Variants in DRC11L observed in about 807,000 individuals in gnomAD.
DRC11L encodes the protein dynein regulatory complex subunit 11 like.
the DRC11L span, among the ~76,000 whole-genome samples, chr7:151,199,296 G>A: frequency 6.6e-6 from 1 of 151,402 alleles, no homozygotes; most frequent in African/African-American, 2.4e-5. The surrounding 1 kb of genome is among the most constrained non-coding windows in gnomAD (Gnocchi z 5.2). Context: ...TGGAGCCTCC[G>A]GCCCCAGCCC....
At chr7:151,197,296 T>C in the DRC11L span, 7 of 399,208 alleles carry the variant, frequency 1.8e-5, no homozygotes, top group African/African-American at 1.0e-4. Flanking sequence ...TTTTCTGTTC[T>C]CTTGCATCTG....
chr7:151,192,421 G>A, the DRC11L span: 1 of 399,396 alleles, frequency 2.5e-6, no homozygotes, highest in Non-Finnish European at 4.4e-6. Flanking sequence ...GCAAGGCCTT[G>A]GTGAGGTCCT....
chr7:151,204,022 G>A, the DRC11L span, among the ~76,000 whole-genome samples: 1 of 152,204 alleles, frequency 6.6e-6, no homozygotes, highest in Non-Finnish European at 1.5e-5. Flanking sequence ...ACAGATCACT[G>A]GAGGGTCTTG....
chr7:151,198,891 A>G, the DRC11L span: 1 of 398,944 alleles, frequency 2.5e-6, no homozygotes, highest in African/African-American at 2.1e-5. Context: ...GGCCTTCACC[A>G]TTGCTGCCCG....
the DRC11L span, chr7:151,192,903 G>A: frequency 5.0e-6 from 2 of 398,618 alleles, no homozygotes; most frequent in African/African-American, 4.1e-5. Context: ...TGGTCAGAAG[G>A]CAGGATGAGG....
chr7:151,196,965 C>G, the DRC11L span: 2 of 399,242 alleles, frequency 5.0e-6, no homozygotes, highest in Non-Finnish European at 8.8e-6. Flanking sequence ...CCCCAGCCAT[C>G]TCCCCTCTTA....
chr7:151,191,148 C>G, the DRC11L span: 1 of 399,882 alleles, frequency 2.5e-6, no homozygotes, highest in Non-Finnish European at 4.4e-6. Context: ...CACCCCTCCC[C>G]CTTTTACAGA....
chr7:151,196,631 G>C, the DRC11L span: 2 of 399,372 alleles, frequency 5.0e-6, no homozygotes, highest in Non-Finnish European at 8.8e-6. Context: ...GCGTGCACAA[G>C]CACATGCACA....
the DRC11L span, chr7:151,204,436 A>G: frequency 7.5e-6 from 3 of 398,410 alleles, no homozygotes; most frequent in African/African-American, 4.1e-5. Flanking sequence ...CAGGTGGTCA[A>G]GGCCGGTCCC....
the DRC11L span, chr7:151,192,401 G>A: frequency 2.5e-6 from 1 of 399,252 alleles, no homozygotes; most frequent in East Asian, 3.6e-5. Context: ...GTCTCCGGGA[G>A]TCAGCAGCCG....
At chr7:151,195,683 C>T in the DRC11L span, 4 of 399,190 alleles carry the variant, frequency 1.0e-5, no homozygotes, top group South Asian at 1.3e-4. Context: ...CGAGGTGTGG[C>T]GGGGTGGCCT....
chr7:151,198,243 G>GAGGTGGGTAGAAGGGT, the DRC11L span, among the ~76,000 whole-genome samples: 4 of 148,582 alleles, frequency 2.7e-5, no homozygotes, highest in East Asian at 8.2e-4. Flanking sequence ...GACAGATGGA[G>GAGGTGGGTAGAAGGGT]AGGTGGGTAG....
the DRC11L span, among the ~76,000 whole-genome samples, chr7:151,201,390 G>C: frequency 6.6e-6 from 1 of 152,208 alleles, no homozygotes; most frequent in Non-Finnish European, 1.5e-5. The surrounding 1 kb of genome is among the most constrained non-coding windows in gnomAD (Gnocchi z 4.1). Flanking sequence ...ATCTGCTTTG[G>C]TCTACAGGGG....
the DRC11L span, chr7:151,191,088 C>G: frequency 5.0e-6 from 2 of 399,374 alleles, no homozygotes; most frequent in Non-Finnish European, 8.8e-6. Context: ...AGTACCAGTC[C>G]TGGGTTGGTG....
chr7:151,192,769 T>C, the DRC11L span: 5 of 399,036 alleles, frequency 1.3e-5, no homozygotes, highest in African/African-American at 8.2e-5. Flanking sequence ...GGGGTCTTCT[T>C]ATAGAAATTC....
chr7:151,199,324 C>T, the DRC11L span, among the ~76,000 whole-genome samples: 2 of 152,170 alleles, frequency 1.3e-5, no homozygotes, highest in East Asian at 3.9e-4. The surrounding 1 kb of genome is among the most constrained non-coding windows in gnomAD (Gnocchi z 5.2). Flanking sequence ...CACCCCCGCC[C>T]CGCGGCCGAG....
At chr7:151,195,498 G>T in the DRC11L span, 1 of 399,548 alleles carries the variant, frequency 2.5e-6, no homozygotes, top group Non-Finnish European at 4.4e-6. Context: ...GGTTGGAAAC[G>T]AGTGCGTAGG....
the DRC11L span, chr7:151,198,901 G>A: frequency 1.3e-4 from 51 of 399,100 alleles, no homozygotes; most frequent in South Asian, 5.1e-4. Context: ...ATTGCTGCCC[G>A]GAACTCCTCC....
At chr7:151,203,613 G>A in the DRC11L span, 1 of 396,312 alleles carries the variant, frequency 2.5e-6, no homozygotes, top group Non-Finnish European at 4.4e-6. Context: ...CCCCAGCACT[G>A]TTTTCCTCCA....
Sources: allele counts gnomAD v4.1 joint callset (sites outside exome capture counted in the v4.1 genomes callset), GRCh38; gene constraint gnomAD v4.1.1; non-coding constraint Gnocchi (gnomAD v3.1); transcripts MANE v1.5; gene names NCBI Gene and HGNC (gene_info 2026-07-23, HGNC 2026-07-21).